Variants in ATRNL1 observed in about 807,000 individuals in gnomAD.
The protein encoded by ATRNL1 is attractin like 1.
In ATRNL1, 95 loss-of-function variants were observed where a neutral mutation model predicts 182.7. The ratio of observed to expected loss-of-function variants is 0.52; its 90% CI spans 0.44 to 0.62. The LOEUF (loss-of-function observed/expected upper bound fraction) is 0.62, where lower values mean the gene tolerates loss of function less well. ATRNL1 is among the 20% of genes least tolerant of loss of function. The pLI, the probability that ATRNL1 is intolerant of heterozygous loss-of-function variation, is 0.00. For missense variants in ATRNL1, 1,471 were observed against 1,679.5 expected, an observed-to-expected ratio of 0.88 and a Z score of 2.17; for synonymous variants, 576 against 568.3, an observed-to-expected ratio of 1.01 and a Z score of -0.19.
At chr10:115,183,009 C>A (rs1847806480) in intron 8 of ATRNL1, among the ~76,000 whole-genome samples, 1 of 151,348 alleles carries the variant, frequency 6.6e-6, no homozygotes, top group East Asian at 1.9e-4. Context: ...GTTGTCTTCT[C>A]AAATGCACAT....
chr10:115,819,197 C>T (rs969391134), intron 27 of ATRNL1, among the ~76,000 whole-genome samples: 1 of 151,644 alleles, frequency 6.6e-6, no homozygotes, highest in South Asian at 2.1e-4. Flanking sequence ...TCTGCAAGCC[C>T]ATCAGCCACC....
chr10:115,495,707 T>A (rs2133609642), intron 24 of ATRNL1, among the ~76,000 whole-genome samples: 1 of 152,236 alleles, frequency 6.6e-6, no homozygotes, highest in African/African-American at 2.4e-5. Flanking sequence ...TTCAGTTTTT[T>A]TTTTTTAATT....
chr10:115,271,127 A>G (rs1038313269), intron 13 of ATRNL1, among the ~76,000 whole-genome samples: 1 of 151,508 alleles, frequency 6.6e-6, no homozygotes, highest in Non-Finnish European at 1.5e-5. Context: ...CTTATGTTAC[A>G]TGATGAGGGA....
rs2134633444 is a variant in ATRNL1 at position 115,944,702 on chromosome 10, G to A, written c.4063G>A (p.Ala1355Thr). Residue 1355 changes from alanine (A) to threonine (T), a missense_variant, in exon 29 of 29, where the codon GCT (alanine) becomes ACT (threonine). Transcript: ENST00000355044. ...CCTAATAGATATTTCACAACAGAAA[G>A]CTTCAGATAGTAAAGATAAGACTTC... is the stretch of plus-strand genomic sequence containing the variant. ...SALIDISQQK[A>T]SDSKDKTSGV... is the part of the protein sequence containing the mutation. 6.2e-7 allele frequency: 1 copy of A among 1,613,466 alleles called. No homozygotes were observed. The highest frequency in any genetic ancestry group is 2.2e-5 in the East Asian group (1 of 44,870).
intron 26 of ATRNL1, chr10:115,597,604 C>T (rs1387562564): frequency 5.3e-6 from 2 of 375,230 alleles, no homozygotes; most frequent in East Asian, 1.1e-4. Context: ...CAGAGTCACA[C>T]TCTTGTCACC....
At chr10:115,314,226 C>T (rs1854180446) in intron 17 of ATRNL1, among the ~76,000 whole-genome samples, 1 of 152,148 alleles carries the variant, frequency 6.6e-6, no homozygotes, top group African/African-American at 2.4e-5. Flanking sequence ...GTGATACGTA[C>T]TCTCTACCTT....
intron 26 of ATRNL1, among the ~76,000 whole-genome samples, chr10:115,637,583 A>T (rs922179932): frequency 4.1e-5 from 6 of 145,940 alleles, no homozygotes; most frequent in African/African-American, 1.5e-4. Context: ...ATTAAAAAGT[A>T]AGCTAAAGTC....
chr10:115,805,094 C>T (rs181386356), intron 27 of ATRNL1, among the ~76,000 whole-genome samples: 105 of 152,244 alleles, frequency 6.9e-4, no homozygotes, highest in African/African-American at 2.3e-3. Context: ...CAATTCTACA[C>T]CCAAACATTC....
intron 28 of ATRNL1, among the ~76,000 whole-genome samples, chr10:115,912,085 G>T (rs369213113): frequency 6.6e-6 from 1 of 152,156 alleles, no homozygotes; most frequent in African/African-American, 2.4e-5. Flanking sequence ...CATTTGGGGG[G>T]AAGAACTACA....
chr10:115,880,351 C>T (rs1241060082), intron 28 of ATRNL1, among the ~76,000 whole-genome samples: 4 of 152,276 alleles, frequency 2.6e-5, no homozygotes, highest in East Asian at 1.9e-4. Flanking sequence ...GGGCCAGGTA[C>T]GGTGGCTCAC....
chr10:115,129,975 G>C lies in ATRNL1; in HGVS notation c.829+440G>C, dbSNP rs139205758. 9.2e-5 allele frequency among the ~76,000 whole-genome samples: 14 copies of C among 152,242 alleles called. No individual in the cohort carries two copies. The East Asian group carries it at 2.5e-3, about 27-fold the overall frequency. The stretch of plus-strand genomic sequence containing the variant: ...ATTTCTTAGGAAAGGCTGACATCTT[G>C]TGGCTATTTTAAAAAGAACTAGACT... On this transcript the variant is annotated intron_variant, in intron 5 of 28. Coordinates refer to ENST00000355044, the MANE Select transcript of ATRNL1 (RefSeq NM_207303.4).
chr10:115,842,174 C>T (rs1555097363), intron 27 of ATRNL1, among the ~76,000 whole-genome samples: 2 of 151,964 alleles, frequency 1.3e-5, no homozygotes, highest in African/African-American at 2.4e-5. Flanking sequence ...TTATTCTGTT[C>T]TTGTCAAAAT....
chr10:115,311,172 T>C (rs1252535783), intron 17 of ATRNL1, among the ~76,000 whole-genome samples: 3 of 149,926 alleles, frequency 2.0e-5, no homozygotes, highest in African/African-American at 4.9e-5. Context: ...TCTGAGAAGA[T>C]ACTTGATATG....
At chr10:115,836,558 G>A (rs890538729) in intron 27 of ATRNL1, among the ~76,000 whole-genome samples, 3 of 152,170 alleles carry the variant, frequency 2.0e-5, no homozygotes, top group African/African-American at 7.2e-5. Context: ...TGCAAACCTT[G>A]GTGCTCCTTG....
intron 26 of ATRNL1, among the ~76,000 whole-genome samples, chr10:115,556,549 AAAC>A (rs1321826861): frequency 1.3e-5 from 2 of 152,196 alleles, no homozygotes; most frequent in Non-Finnish European, 2.9e-5. Context: ...ATTGATTTTA[AAAC>A]ACATTAGAGT....
chr10:115,642,752 A>G (rs1334923201), intron 26 of ATRNL1, among the ~76,000 whole-genome samples: 1 of 152,186 alleles, frequency 6.6e-6, no homozygotes, highest in African/African-American at 2.4e-5. Flanking sequence ...GCCAATTCTA[A>G]TGTATTTTTA....
At chr10:115,414,698 TTC>T (rs1246044410) in intron 20 of ATRNL1, among the ~76,000 whole-genome samples, 2 of 151,908 alleles carry the variant, frequency 1.3e-5, no homozygotes, top group Non-Finnish European at 2.9e-5. Flanking sequence ...CTGTGTGTGT[TTC>T]TGTCTATGTG....
chr10:115,645,154 T>C (rs1219143887), intron 26 of ATRNL1, among the ~76,000 whole-genome samples: 2 of 152,234 alleles, frequency 1.3e-5, no homozygotes, highest in Admixed American at 6.5e-5. Flanking sequence ...CATTGTTTAC[T>C]ATGCTATTCT....
At chr10:115,307,394 C>T (rs1032535157) in intron 17 of ATRNL1, among the ~76,000 whole-genome samples, 7 of 152,140 alleles carry the variant, frequency 4.6e-5, no homozygotes, top group Non-Finnish European at 1.0e-4. Context: ...TCCTGAGTAG[C>T]TGGGACTACA....
Sources: gnomAD v4.1 joint callset for allele counts (sites outside exome capture counted in the v4.1 genomes callset) on GRCh38, gnomAD v4.1.1 for gene constraint, MANE v1.5 for transcripts, NCBI Gene and HGNC (gene_info 2026-07-23, HGNC 2026-07-21) for gene names.